ARID2: variants seen among roughly 807,000 people sequenced by gnomAD.
ARID2 encodes the protein AT-rich interaction domain 2.
A neutral mutation model predicts 184.6 loss-of-function variants in ARID2; 32 were observed. That is an observed-to-expected ratio of 0.17 (90% CI 0.13 to 0.23). The LOEUF (loss-of-function observed/expected upper bound fraction) is 0.23, where lower values mean the gene tolerates loss of function less well. Among genes scored for constraint, ARID2 ranks in the 10% least tolerant of loss-of-function variants. ARID2 has a pLI of 1.00. For missense variants in ARID2, 1,696 were observed against 2,197.6 expected (o/e 0.77, Z 4.56); for synonymous variants, 836 against 772.6 (o/e 1.08, Z -1.36).
At chr12:45,901,083 T>C (rs1944450553) in intron 20 of ARID2, among the ~76,000 whole-genome samples, 1 of 151,524 alleles carries the variant, frequency 6.6e-6, no homozygotes, top group African/African-American at 2.4e-5. Context: ...TTTTCTGGTA[T>C]GTTTCTTTTT....
At position 45,811,509 on chromosome 12, in the gene ARID2, G is replaced by A. The variant is rs375773959; in HGVS notation, c.376G>A (p.Ala126Thr). The A allele has an allele frequency of 6.2e-6, 10 of 1,613,754 alleles. No individual in the cohort carries two copies. The highest frequency in any genetic ancestry group is 5.3e-5 in the African/African-American group (4 of 74,910). The change falls in exon 4 of 21, where the codon GCA (alanine) becomes ACA (threonine). Residue 126 changes from alanine (A) to threonine (T), a missense_variant. Ala to Thr is a moderately conservative substitution (Grantham distance 58). Around this residue, in one of 11 missense-constraint regions of ARID2, gnomAD observed 148 missense variants for 285.4 expected, o/e 0.52. Coordinates refer to ENST00000334344, the MANE Select transcript of ARID2 (RefSeq NM_152641.4). ...TCCAAAGCCACAGCTTCCTATTGGTGCAATTCCATCTTCCTACAATTACCA... is the reference window on the plus strand; with the variant it reads ...TCCAAAGCCACAGCTTCCTATTGGTACAATTCCATCTTCCTACAATTACCA... Reference protein sequence around the residue: ...GNPKPQLPIGAIPSSYNYQQH... With the variant: ...GNPKPQLPIGTIPSSYNYQQH...
intron 3 of ARID2, among the ~76,000 whole-genome samples, chr12:45,764,233 T>C (rs1834966644): frequency 6.6e-6 from 1 of 152,236 alleles, no homozygotes. Context: ...TTCCTGATTA[T>C]AGTTATACTT....
At chr12:45,759,848 G>C (rs192110494) in intron 3 of ARID2, among the ~76,000 whole-genome samples, 1 of 152,134 alleles carries the variant, frequency 6.6e-6, no homozygotes, top group Admixed American at 6.5e-5. Flanking sequence ...ATGCAAGCGC[G>C]TGCCTGGCCT....
At chr12:45,839,253 A>T (rs551838327) in intron 10 of ARID2, 76 bp from the exon 11 acceptor site, 591 of 1,308,436 alleles carry the variant, frequency 4.5e-4, no homozygotes, top group Non-Finnish European at 5.7e-4. Context: ...AGTATTCTGT[A>T]CAACATGTGT....
At chr12:45,880,085 T>G (rs1460732167) in intron 16 of ARID2, among the ~76,000 whole-genome samples, 2 of 152,226 alleles carry the variant, frequency 1.3e-5, no homozygotes, top group Non-Finnish European at 2.9e-5. Context: ...ATAGGGGTTT[T>G]AAGTAATATT....
intron 13 of ARID2, 147 bp from the exon 14 acceptor site, chr12:45,849,433 G>T: frequency 3.9e-6 from 2 of 510,116 alleles, no homozygotes; most frequent in Non-Finnish European, 6.6e-6. Flanking sequence ...ATATTTCTTT[G>T]CTTTCCATCC....
At chr12:45,834,602 G>T (rs927686537) in intron 6 of ARID2, among the ~76,000 whole-genome samples, 10 of 152,132 alleles carry the variant, frequency 6.6e-5, no homozygotes, top group Admixed American at 5.9e-4. Flanking sequence ...AATTAGTTGG[G>T]CATGGTGGCA....
chr12:45,894,765 A>AT (rs1944347897), intron 20 of ARID2, among the ~76,000 whole-genome samples: 3 of 152,334 alleles, frequency 2.0e-5, no homozygotes, highest in Middle Eastern at 6.8e-3. Context: ...TTTAGTAACC[A>AT]TATGAGAATA....
intron 11 of ARID2, among the ~76,000 whole-genome samples, chr12:45,844,607 C>A (rs1468760256): frequency 6.6e-6 from 1 of 152,176 alleles, no homozygotes; most frequent in East Asian, 1.9e-4. Flanking sequence ...CTAATTCTCT[C>A]TTTAGTGTTC....
intron 6 of ARID2, among the ~76,000 whole-genome samples, chr12:45,826,721 T>G (rs1030051250): frequency 1.3e-5 from 2 of 152,230 alleles, no homozygotes; most frequent in East Asian, 1.9e-4. Flanking sequence ...GTCTGCTCCC[T>G]TATAGAAGTA....
At position 45,905,215 on chromosome 12, in the gene ARID2, AAGCTTCGTATTCT is replaced by A; in HGVS notation, c.*138_*150del. On this transcript the variant is annotated 3_prime_UTR_variant, in exon 21 of 21. Transcript: ENST00000334344. The stretch of plus-strand genomic sequence containing the variant: ...TATCTCCTCCCATGATGCTGAGAGG[AAGCTTCGTATTCT>A]GATCTCTGAGTGAATCCCTTTGTTC... The A allele has an allele frequency of 1.2e-6, 1 of 851,426 alleles. No individual in the cohort carries two copies. The highest frequency in any genetic ancestry group is 1.7e-6 in the Non-Finnish European group (1 of 593,006). The allele number at this position is 851,426 out of a possible 1,614,324, so 52.7% of individuals were successfully genotyped here.
intron 3 of ARID2, among the ~76,000 whole-genome samples, chr12:45,795,366 C>G (rs1156495597): frequency 6.6e-6 from 1 of 152,126 alleles, no homozygotes; most frequent in Non-Finnish European, 1.5e-5. Context: ...TGATAACTCT[C>G]TTATAGTATC....
Position 45,872,376 on chromosome 12 carries a change from T to C in ARID2, c.4922+11427T>C, listed in dbSNP as rs769380993. Among the ~76,000 whole-genome samples, 3 of 152,292 alleles carry C rather than the reference T, an allele frequency of 2.0e-5. No individual in the cohort carries two copies. In the South Asian group the frequency reaches 6.2e-4, roughly 32 times the overall value. ...AAATGTGTTATTTAGACTCCAAATG[T>C]TTTTGGTATTTTCTAGCTATCTTTT... On this transcript the variant is annotated intron_variant, in intron 16 of 20. Coordinates refer to ENST00000334344, the MANE Select transcript of ARID2 (RefSeq NM_152641.4).
At chr12:45,814,269 T>G (rs1483354915) in intron 4 of ARID2, among the ~76,000 whole-genome samples, 1 of 152,146 alleles carries the variant, frequency 6.6e-6, no homozygotes, top group African/African-American at 2.4e-5. Flanking sequence ...AACTCTCCCT[T>G]TCTTCTAAAT....
intron 3 of ARID2, among the ~76,000 whole-genome samples, chr12:45,768,372 G>GT (rs540933403): frequency 7.9e-5 from 12 of 152,246 alleles, no homozygotes; most frequent in Non-Finnish European, 1.5e-4. Flanking sequence ...TAATCCAGCA[G>GT]TTCCACATTG....
chr12:45,770,910 C>T (rs999090191), intron 3 of ARID2, among the ~76,000 whole-genome samples: 4 of 152,128 alleles, frequency 2.6e-5, no homozygotes, highest in Non-Finnish European at 5.9e-5. Context: ...AGGCTTTAAA[C>T]TTTCTTTGGC....
rs2138094084 is a variant in ARID2 at position 45,817,926 on chromosome 12, T to C, written c.637+38T>C. 5 of 1,511,148 alleles carry C rather than the reference T, an allele frequency of 3.3e-6. No homozygotes were observed. In the South Asian group the frequency reaches 6.5e-5, roughly 20 times the overall value. The allele number at this position is 1,511,148 out of a possible 1,614,324, so 93.6% of individuals were successfully genotyped here. A position where few individuals can be genotyped will look rare whatever the true frequency, so the allele number is the denominator to read the frequency against. On this transcript the variant is annotated intron_variant, in intron 5 of 20. Transcript: ENST00000334344. ...CTGAATGTATTATATAATTCTTCTG[T>C]AAAAGTTTTTTTTTTAAGGTTTTTA...
intron 3 of ARID2, among the ~76,000 whole-genome samples, chr12:45,764,510 G>T (rs1941736975): frequency 1.3e-5 from 2 of 152,110 alleles, no homozygotes; most frequent in South Asian, 2.1e-4. Context: ...TCTGTCCCTT[G>T]TAGTCAGTCC....
chr12:45,874,079 T>A (rs1379665020), intron 16 of ARID2: 2 of 152,298 alleles, frequency 1.3e-5, no homozygotes, highest in African/African-American at 4.8e-5. Context: ...TTTGGGAGGT[T>A]GAGGAAGGAG....
Sources: allele counts gnomAD v4.1 joint callset (sites outside exome capture counted in the v4.1 genomes callset), GRCh38; gene constraint gnomAD v4.1.1; regional missense constraint gnomAD v4.1.1; transcripts MANE v1.5; gene names NCBI Gene and HGNC (gene_info 2026-07-23, HGNC 2026-07-21).